Variants in VCAN observed in about 807,000 individuals in gnomAD.
VCAN encodes the protein versican core protein.
Under a neutral mutation model 245.5 loss-of-function variants are expected in VCAN, and 44 were observed. The ratio of observed to expected loss-of-function variants is 0.18; its 90% CI spans 0.14 to 0.23. The LOEUF is 0.23. Among genes scored for constraint, VCAN ranks in the 10% least tolerant of loss-of-function variants. The pLI is 1.00. For missense variants in VCAN, 3,793 were observed against 4,057.9 expected (o/e 0.93, Z 1.77); for synonymous variants, 1,413 against 1,437.0 (o/e 0.98, Z 0.38).
intron 12 of VCAN, among the ~76,000 whole-genome samples, chr5:83,568,911 AAC>A (rs1284053708): frequency 6.6e-6 from 1 of 151,960 alleles, no homozygotes; most frequent in Non-Finnish European, 1.5e-5. Context: ...CGCAAACACA[AAC>A]ACACACACAT....
At chr5:83,526,155 G>C (rs868179435) in intron 7 of VCAN, among the ~76,000 whole-genome samples, 7 of 152,168 alleles carry the variant, frequency 4.6e-5, no homozygotes, top group Middle Eastern at 3.4e-3. Flanking sequence ...GGCCAGGCTG[G>C]GCTTGAACTC....
intron 12 of VCAN, among the ~76,000 whole-genome samples, chr5:83,561,754 A>C (rs1333237051): frequency 6.6e-6 from 1 of 152,198 alleles, no homozygotes; most frequent in Admixed American, 6.6e-5. Context: ...TAAAAGGGGC[A>C]GAAAAAATGG....
chr5:83,500,688 A>G (rs1580610414), intron 5 of VCAN, among the ~76,000 whole-genome samples: 1 of 152,328 alleles, frequency 6.6e-6, no homozygotes, highest in South Asian at 2.1e-4. Context: ...GGGCCACTAA[A>G]GATTCCCCAG....
chr5:83,580,547 C>G lies in VCAN; in HGVS notation c.*113C>G. On this transcript the variant is annotated 3_prime_UTR_variant, in exon 15 of 15. Coordinates refer to ENST00000265077, the MANE Select transcript of VCAN (RefSeq NM_004385.5). ...CAGTTGGTTTGGATTTTTGGACCAC[C>G]GTTCAGTCATTTTGGGTTGCCGTGC... is the stretch of plus-strand genomic sequence containing the variant. 7.3e-6 allele frequency: 11 copies of G among 1,514,880 alleles called. No individual in the cohort carries two copies. Among genetic ancestry groups the G allele is most frequent in the Non-Finnish European group, 9.0e-6 (10 of 1,112,672 alleles). The allele number at this position is 1,514,880 out of a possible 1,614,324, so 93.8% of individuals were successfully genotyped here. A position where few individuals can be genotyped will look rare whatever the true frequency, so the allele number is the denominator to read the frequency against.
At chr5:83,524,696 A>G (rs1039053279) in intron 7 of VCAN, among the ~76,000 whole-genome samples, 6 of 152,098 alleles carry the variant, frequency 3.9e-5, no homozygotes, top group South Asian at 4.1e-4. Context: ...CTGCTCACCT[A>G]TACTAATATT....
chr5:83,527,603 A>T (rs1489865457), intron 7 of VCAN, among the ~76,000 whole-genome samples: 2 of 152,224 alleles, frequency 1.3e-5, no homozygotes, highest in Non-Finnish European at 2.9e-5. Flanking sequence ...CTATAGACCA[A>T]AGATTACCTT....
At position 83,541,318 on chromosome 5, in the gene VCAN, C is replaced by A; in HGVS notation, c.8315C>A (p.Ala2772Glu). ...GAATTCTCTTCAGGAGCTGAGGAGG[C>A]ATTAGTAGACCATACTCCCTATCTA... is the stretch of plus-strand genomic sequence containing the variant. ...QPEFSSGAEE[A>E]LVDHTPYLSI... Residue 2772 changes from alanine (A) to glutamate (E), a missense_variant, in exon 8 of 15, where the codon GCA becomes GAA. Coordinates refer to ENST00000265077, the MANE Select transcript of VCAN (RefSeq NM_004385.5). 1.9e-6 allele frequency: 3 copies of A among 1,614,050 alleles called. No homozygotes were observed. The highest frequency in any genetic ancestry group is 2.2e-5 in the East Asian group (1 of 44,860).
rs574144162 is a variant in VCAN at position 83,485,102 on chromosome 5, T to C, written c.70+1514T>C. Among the ~76,000 whole-genome samples the C allele has an allele frequency of 2.0e-5, 3 of 152,278 alleles. No individual in the cohort carries two copies. The East Asian group carries it at 5.8e-4, about 29-fold the overall frequency. The stretch of plus-strand genomic sequence containing the variant: ...TGCTTAACACTAACTCACTGAAACA[T>C]CCATTACCCCTGTATTCTATTGAGG... On this transcript the variant is annotated intron_variant, in intron 2 of 14. Coordinates refer to ENST00000265077, the MANE Select transcript of VCAN (RefSeq NM_004385.5).
chr5:83,570,036 G>T (rs1027738399), intron 12 of VCAN, among the ~76,000 whole-genome samples: 18 of 149,684 alleles, frequency 1.2e-4, no homozygotes, highest in Admixed American at 8.6e-4. Flanking sequence ...AATGAGCAAA[G>T]AAAAAAAAAG....
intron 7 of VCAN, among the ~76,000 whole-genome samples, chr5:83,524,477 G>A (rs942947855): frequency 7.2e-5 from 11 of 152,044 alleles, no homozygotes; most frequent in African/African-American, 2.7e-4. Context: ...ACAAGGGGAT[G>A]TATCTGTGGA....
chr5:83,487,359 A>C (rs1744828309), intron 2 of VCAN, among the ~76,000 whole-genome samples: 1 of 152,074 alleles, frequency 6.6e-6, no homozygotes, highest in South Asian at 2.1e-4. Context: ...TTATTTAGTG[A>C]TTTCTCCCTC....
chr5:83,580,202 A>G (rs1234618484), intron 14 of VCAN, 40 bp downstream of exon 14: 1 of 1,613,872 alleles, frequency 6.2e-7, no homozygotes, highest in African/African-American at 1.3e-5. Flanking sequence ...CCGTGCTATA[A>G]CAACTACTAG....
intron 5 of VCAN, among the ~76,000 whole-genome samples, chr5:83,501,287 A>G (rs1407335482): frequency 6.6e-6 from 1 of 152,154 alleles, no homozygotes; most frequent in Non-Finnish European, 1.5e-5. Flanking sequence ...CCTTTGAAGC[A>G]CAAAAGTGTT....
intron 12 of VCAN, among the ~76,000 whole-genome samples, chr5:83,567,597 G>A (rs1431251792): frequency 6.6e-6 from 1 of 152,158 alleles, no homozygotes; most frequent in East Asian, 1.9e-4. Context: ...ACTGCACCCG[G>A]CAACTCTTTG....
chr5:83,528,226 A>G (rs745493913), intron 7 of VCAN, among the ~76,000 whole-genome samples: 5 of 152,138 alleles, frequency 3.3e-5, no homozygotes, highest in Non-Finnish European at 5.9e-5. Flanking sequence ...AAAAGAAGGA[A>G]TCAAGAAAGG....
intron 7 of VCAN, among the ~76,000 whole-genome samples, chr5:83,533,375 C>T (rs571727326): frequency 6.6e-6 from 1 of 152,182 alleles, no homozygotes; most frequent in Non-Finnish European, 1.5e-5. Flanking sequence ...TTTAGTAAGG[C>T]CAGTTCTCTA....
intron 10 of VCAN, among the ~76,000 whole-genome samples, chr5:83,549,838 G>A (rs1203090144): frequency 6.6e-6 from 1 of 152,150 alleles, no homozygotes; most frequent in African/African-American, 2.4e-5. Context: ...CCAGGATACT[G>A]AAAGATTTTT....
rs1747032491 is a variant in VCAN at position 83,542,167 on chromosome 5, T to G, written c.9164T>G (p.Val3055Gly). Residue 3055 changes from valine to glycine, a missense_variant, in exon 8 of 15, where the codon GTT becomes GGT. Physicochemically the swap from Val to Gly is moderately radical, Grantham distance 109. Around this residue, in one of 5 missense-constraint regions of VCAN, gnomAD observed 3,182 missense variants for 3,250.3 expected, o/e 0.98. Transcript: ENST00000265077. ...TVNPVEFNTE[V>G]ATPPFSLLET... Reference sequence around the variant, plus strand: ...AACCCTGTGGAATTTAATACTGAGGTTGCAACACCACCATTTTCCCTTCTG... The same window carrying G: ...AACCCTGTGGAATTTAATACTGAGGGTGCAACACCACCATTTTCCCTTCTG... 6.2e-7 allele frequency: 1 copy of G among 1,613,956 alleles called. No individual in the cohort carries two copies. The highest frequency in any genetic ancestry group is 8.5e-7 in the Non-Finnish European group (1 of 1,179,980).
intron 12 of VCAN, among the ~76,000 whole-genome samples, chr5:83,565,900 C>T (rs1418334509): frequency 7.1e-6 from 1 of 141,292 alleles, no homozygotes; most frequent in African/African-American, 2.6e-5. Context: ...CATTTTTTAA[C>T]ACAAGGAAAA....
Sources: gnomAD v4.1 joint callset for allele counts (sites outside exome capture counted in the v4.1 genomes callset) on GRCh38, gnomAD v4.1.1 for gene constraint, gnomAD v4.1.1 regional missense constraint, MANE v1.5 for transcripts, NCBI Gene and HGNC (gene_info 2026-07-23, HGNC 2026-07-21) for gene names.